The following FSTL5 variants were observed in gnomAD, a reference collection of about 807,000 sequenced individuals.
FSTL5 encodes the protein follistatin like 5.
Under a neutral mutation model 89.1 loss-of-function variants are expected in FSTL5, and 62 were observed. That is an observed-to-expected ratio of 0.70 (90% CI 0.57 to 0.86). The LOEUF is 0.86. FSTL5 is among the 40% of genes least tolerant of loss of function. The pLI, the probability that FSTL5 is intolerant of heterozygous loss-of-function variation, is 0.00. For synonymous variants in FSTL5, 383 were observed against 346.2 expected (o/e 1.11, Z -1.18); for missense variants, 1,057 against 1,001.6 (o/e 1.06, Z -0.75).
chr4:161,701,105 C>T (rs2126729790), intron 6 of FSTL5, among the ~76,000 whole-genome samples: 1 of 152,196 alleles, frequency 6.6e-6, no homozygotes, highest in East Asian at 1.9e-4. Context: ...CTGAATTAAG[C>T]TTTTATTCTT....
At chr4:162,103,071 T>C (rs551950216) in intron 2 of FSTL5, among the ~76,000 whole-genome samples, 6 of 152,224 alleles carry the variant, frequency 3.9e-5, no homozygotes, top group Admixed American at 3.9e-4. Context: ...ATAATCATAT[T>C]GTTTTGGGGA....
chr4:162,107,129 AAAT>A (rs1664537722), intron 2 of FSTL5, among the ~76,000 whole-genome samples: 1 of 152,194 alleles, frequency 6.6e-6, no homozygotes, highest in Admixed American at 6.6e-5. Flanking sequence ...GGAGAACAGG[AAAT>A]ACATTGCATA....
At chr4:161,871,970 A>G (rs1732275915) in intron 4 of FSTL5, among the ~76,000 whole-genome samples, 1 of 147,700 alleles carries the variant, frequency 6.8e-6, no homozygotes, top group South Asian at 2.2e-4. Context: ...TTATTAATTC[A>G]AAAACATAAT....
At chr4:161,698,697 G>A (rs964817181) in intron 6 of FSTL5, among the ~76,000 whole-genome samples, 4 of 152,204 alleles carry the variant, frequency 2.6e-5, no homozygotes, top group Admixed American at 1.3e-4. Flanking sequence ...GGGAAGCCGA[G>A]GCGGGTGATC....
chr4:161,782,334 G>T (rs1038324789), intron 4 of FSTL5, among the ~76,000 whole-genome samples: 12 of 152,140 alleles, frequency 7.9e-5, no homozygotes, highest in Admixed American at 7.2e-4. Flanking sequence ...CTTCCAAAGT[G>T]GCCGTACCAT....
intron 4 of FSTL5, among the ~76,000 whole-genome samples, chr4:161,835,938 G>C (rs965781909): frequency 1.8e-4 from 28 of 151,782 alleles, no homozygotes; most frequent in Middle Eastern, 3.4e-3. Context: ...ATTTGACCCA[G>C]CCATCCCATT....
At position 161,779,759 on chromosome 4, in the gene FSTL5, T is replaced by TTATATATATATATATATATATA. The variant is rs1240577419; in HGVS notation, c.410-3686_410-3685insTATATATATATATATATATATA. 5.5e-4 allele frequency among the ~76,000 whole-genome samples: 17 copies of TTATATATATATATATATATATA among 31,160 alleles called. 3 individuals carry two copies. Among genetic ancestry groups the TTATATATATATATATATATATA allele is most frequent in the Admixed American group, 9.3e-4 (2 of 2,140 alleles). 20.4% of individuals were successfully genotyped at this position (31,160 alleles called of 152,430 possible). A position where few individuals can be genotyped will look rare whatever the true frequency, so the allele number is the denominator to read the frequency against. On this transcript the variant is annotated intron_variant, in intron 4 of 15. Coordinates refer to ENST00000306100, the MANE Select transcript of FSTL5 (RefSeq NM_020116.5). The stretch of plus-strand genomic sequence containing the variant: ...ATTTGTCCAAGGATTATTTGTAAAG[T>TTATATATATATATATATATATA]TATATATATATATATGTATATATAT...
At chr4:162,155,570 A>G (rs1665439877) in intron 1 of FSTL5, among the ~76,000 whole-genome samples, 1 of 152,230 alleles carries the variant, frequency 6.6e-6, no homozygotes, top group Non-Finnish European at 1.5e-5. Flanking sequence ...TTTTAAAAAC[A>G]TGAACATTTT....
chr4:162,156,486 T>C (rs1733478460), intron 1 of FSTL5, among the ~76,000 whole-genome samples: 1 of 152,148 alleles, frequency 6.6e-6, no homozygotes, highest in South Asian at 2.1e-4. Context: ...AGACATGGAT[T>C]CAACCTAGGT....
intron 4 of FSTL5, among the ~76,000 whole-genome samples, chr4:161,898,968 C>T (rs1400723310): frequency 6.6e-6 from 1 of 152,048 alleles, no homozygotes; most frequent in African/African-American, 2.4e-5. Flanking sequence ...GCTCATCACT[C>T]CTCTGTCTCC....
chr4:161,557,106 A>G (rs1222039295), intron 8 of FSTL5, among the ~76,000 whole-genome samples: 2 of 151,276 alleles, frequency 1.3e-5, no homozygotes, highest in African/African-American at 2.4e-5. Flanking sequence ...TTGAAAAAGC[A>G]CTCTTAAATA....
At chr4:161,418,406 G>A (rs535522745) in intron 15 of FSTL5, among the ~76,000 whole-genome samples, 3 of 152,232 alleles carry the variant, frequency 2.0e-5, no homozygotes, top group South Asian at 2.1e-4. Context: ...AGCACTCAGC[G>A]AGCCCACCTT....
intron 1 of FSTL5, among the ~76,000 whole-genome samples, chr4:162,143,615 ATATT>A (rs991560673): frequency 9.2e-5 from 14 of 152,124 alleles, no homozygotes; most frequent in African/African-American, 3.1e-4. Context: ...TATAAGTTGA[ATATT>A]TTAGGGCATC....
chr4:161,604,349 A>G (rs1480650882), intron 7 of FSTL5, among the ~76,000 whole-genome samples: 1 of 152,176 alleles, frequency 6.6e-6, no homozygotes, highest in East Asian at 1.9e-4. Flanking sequence ...GAACCAATCA[A>G]TCAGAAGATC....
rs551828869 is a variant in FSTL5, at chr4:161,575,857, T to C, written c.1015+11598A>G. Among the ~76,000 whole-genome samples, 6 of 152,246 alleles carry C rather than the reference T, an allele frequency of 3.9e-5. No homozygotes were observed. The South Asian group carries it at 1.2e-3, about 32-fold the overall frequency. On this transcript the variant is annotated intron_variant, in intron 8 of 15. Coordinates refer to ENST00000306100, the MANE Select transcript of FSTL5 (RefSeq NM_020116.5). The stretch of plus-strand genomic sequence containing the variant: ...GAGAAATAAATAAAGGGTATTCAAA[T>C]AGGAAGAAAGGAAGTAAAATTGTCT...
intron 15 of FSTL5, among the ~76,000 whole-genome samples, chr4:161,418,008 A>C (rs1731845629): frequency 6.6e-6 from 1 of 152,148 alleles, no homozygotes; most frequent in African/African-American, 2.4e-5. Context: ...ATGAGAAAAA[A>C]AATCAATTCC....
At chr4:161,574,945 A>C (rs1283948633) in intron 8 of FSTL5, among the ~76,000 whole-genome samples, 2 of 152,178 alleles carry the variant, frequency 1.3e-5, no homozygotes, top group African/African-American at 4.8e-5. Context: ...TGGTCGAACA[A>C]CTAATTTACA....
At chr4:161,511,767 CAT>C (rs749958703) in intron 10 of FSTL5, among the ~76,000 whole-genome samples, 2 of 151,884 alleles carry the variant, frequency 1.3e-5, no homozygotes, top group Admixed American at 6.6e-5. Context: ...TAAATACAAA[CAT>C]GTAATAAATG....
intron 6 of FSTL5, among the ~76,000 whole-genome samples, chr4:161,745,259 G>A (rs576961599): frequency 2.6e-5 from 4 of 152,002 alleles, no homozygotes; most frequent in South Asian, 2.1e-4. Flanking sequence ...AAAAATATTC[G>A]TACACCTCAA....
Sources: allele counts gnomAD v4.1 joint callset (sites outside exome capture counted in the v4.1 genomes callset), GRCh38; gene constraint gnomAD v4.1.1; transcripts MANE v1.5; gene names NCBI Gene and HGNC (gene_info 2026-07-23, HGNC 2026-07-21).